KCNQ1: variants seen among roughly 807,000 people sequenced by gnomAD.
KCNQ1 encodes the protein potassium voltage-gated channel subfamily KQT member 1.
A neutral mutation model predicts 72.4 loss-of-function variants in KCNQ1; 49 were observed. The ratio of observed to expected loss-of-function variants is 0.68; its 90% CI spans 0.54 to 0.86. The LOEUF (loss-of-function observed/expected upper bound fraction) is 0.86. Ranked by LOEUF, KCNQ1 falls within the 40% of genes least tolerant of loss-of-function variation. The pLI is 0.00. For missense variants in KCNQ1, 790 were observed against 945.1 expected (o/e 0.84, Z 2.15); for synonymous variants, 450 against 412.6 (o/e 1.09, Z -1.10).
rs1250603235 is a variant in KCNQ1 at position 2,674,783 on chromosome 11, C to T, written c.1514+12702C>T. The stretch of plus-strand genomic sequence containing the variant: ...GCCAGACCAGCTTCCTGGAAACTCT[C>T]GCCAACTGCTGGCCTTTGGAAAGGC... On this transcript the variant is annotated intron_variant, in intron 11 of 15. Transcript: ENST00000155840. This position sits in a 1 kb window ranked among gnomAD's most constrained non-coding sequence, Gnocchi z 5.9. The T allele has an allele frequency of 1.3e-5, 5 of 395,120 alleles. No homozygotes were observed. The highest frequency in any genetic ancestry group is 2.1e-5 in the African/African-American group (1 of 47,116). The allele number at this position is 395,120 out of a possible 1,614,324, so 24.5% of individuals were successfully genotyped here. A position where few individuals can be genotyped will look rare whatever the true frequency, so the allele number is the denominator to read the frequency against.
At chr11:2,570,565 C>T (rs1848314262) in intron 2 of KCNQ1, 63 bp from the exon 3 acceptor site, 2 of 1,601,832 alleles carry the variant, frequency 1.2e-6, no homozygotes, top group Non-Finnish European at 1.7e-6. Context: ...AAACAGGTTG[C>T]AGGGTCTGAA....
rs778204226 is a variant in KCNQ1, at chr11:2,813,139, C to T, written c.1795-34628C>T. Among the ~76,000 whole-genome samples, 2 of 152,218 alleles carry T rather than the reference C, an allele frequency of 1.3e-5. No individual in the cohort carries two copies. Among genetic ancestry groups the T allele is most frequent in the African/African-American group, 4.8e-5 (2 of 41,458 alleles). The stretch of plus-strand genomic sequence containing the variant: ...CGGAGCCTGGTACAGAGGAAGAACC[C>T]GACAGACTGTGAGCCCTGTCTTCCT... On this transcript the variant is annotated intron_variant, in intron 15 of 15. Transcript: ENST00000155840. The surrounding 1 kb of genome is among the most constrained non-coding windows in gnomAD (Gnocchi z 4.4).
chr11:2,691,958 T>G lies in KCNQ1; in HGVS notation c.1514+29877T>G. On this transcript the variant is annotated intron_variant, in intron 11 of 15. Transcript: ENST00000155840. This position sits in a 1 kb window ranked among gnomAD's most constrained non-coding sequence, Gnocchi z 6.4. Reference sequence around the variant, plus strand: ...TTCTGGCATGGCCACTAAATGCCAGTGCCTTTCTCTATGCAAACCATTTCC... The same window carrying G: ...TTCTGGCATGGCCACTAAATGCCAGGGCCTTTCTCTATGCAAACCATTTCC... 2.5e-6 allele frequency: 1 copy of G among 398,638 alleles called. No homozygotes were observed. The highest frequency in any genetic ancestry group is 3.6e-5 in the East Asian group (1 of 28,074). 24.7% of individuals were successfully genotyped at this position (398,638 alleles called of 1,614,324 possible). A position where few individuals can be genotyped will look rare whatever the true frequency, so the allele number is the denominator to read the frequency against.
chr11:2,587,674 A>G lies in KCNQ1; in HGVS notation c.1233A>G (p.Lys411=). The change falls in exon 9 of 16, where the codon AAA becomes AAG. Residue 411 remains lysine, a synonymous_variant. Transcript: ENST00000155840. ...ACACTCTGCTGTCACCCAGCCCCAA[A>G]CCCAAGAAGTCTGTGGTGGTGAGTA... ...RSHTLLSPSP[K]PKKSVVVKKK... 1.2e-6 allele frequency: 2 copies of G among 1,613,610 alleles called. No homozygotes were observed. Among genetic ancestry groups the G allele is most frequent in the South Asian group, 2.2e-5 (2 of 91,074 alleles).
At chr11:2,527,877 T>G (rs192393524) in intron 1 of KCNQ1, 51 bp from the exon 2 acceptor site, 1 of 1,533,416 alleles carries the variant, frequency 6.5e-7, no homozygotes, top group Admixed American at 1.7e-5. Context: ...CAGGTGCATC[T>G]GTGGGATGGG....
chr11:2,632,721 A>G (rs1849380972), intron 10 of KCNQ1: 1 of 398,280 alleles, frequency 2.5e-6, no homozygotes, highest in Non-Finnish European at 4.4e-6. Flanking sequence ...ATATTATCCA[A>G]GTTCATCCAT....
At chr11:2,640,298 C>G in intron 10 of KCNQ1, 2 of 398,286 alleles carry the variant, frequency 5.0e-6, no homozygotes, top group Non-Finnish European at 8.8e-6. Flanking sequence ...TTCTGCGTCA[C>G]TCACGCTGGG....
At chr11:2,633,883 A>G in intron 10 of KCNQ1, 1 of 398,612 alleles carries the variant, frequency 2.5e-6, no homozygotes. Context: ...AGTCATCTGT[A>G]TACATAGTTT....
chr11:2,792,512 A>G (rs573158691), intron 15 of KCNQ1, among the ~76,000 whole-genome samples: 3 of 152,366 alleles, frequency 2.0e-5, no homozygotes, highest in Admixed American at 1.3e-4. Flanking sequence ...CCCTCAGGTC[A>G]GACCCAGGCC....
In KCNQ1 at chr11:2,608,463, C is replaced by T. The variant is rs537910940; in HGVS notation, c.1393+19609C>T. The T allele has an allele frequency of 1.6e-4, 62 of 398,426 alleles. No homozygotes were observed. Among genetic ancestry groups the T allele is most frequent in the Non-Finnish European group, 2.4e-4 (54 of 226,010 alleles). 24.7% of individuals were successfully genotyped at this position (398,426 alleles called of 1,614,324 possible). A position where few individuals can be genotyped will look rare whatever the true frequency, so the allele number is the denominator to read the frequency against. The stretch of plus-strand genomic sequence containing the variant: ...TCTGTCAGGTTGGTAGTATACTTCC[C>T]TCATTCATTCCTTTTTCCTTTTCTT... On this transcript the variant is annotated intron_variant, in intron 10 of 15. Coordinates refer to ENST00000155840, the MANE Select transcript of KCNQ1 (RefSeq NM_000218.3). The surrounding 1 kb of genome is among the most constrained non-coding windows in gnomAD (Gnocchi z 4.6).
Position 2,626,260 on chromosome 11 carries a change from T to C in KCNQ1, c.1394-35701T>C, listed in dbSNP as rs184978493. 5 of 398,460 alleles carry C rather than the reference T, an allele frequency of 1.3e-5. No individual in the cohort carries two copies. Among genetic ancestry groups the C allele is most frequent in the African/African-American group, 1.0e-4 (5 of 48,720 alleles). 24.7% of individuals were successfully genotyped at this position (398,460 alleles called of 1,614,324 possible). On this transcript the variant is annotated intron_variant, in intron 10 of 15. Transcript: ENST00000155840. The surrounding 1 kb of genome is among the most constrained non-coding windows in gnomAD (Gnocchi z 4.0). ...GGTAAGGGTCTCAACTTCATTCTCT[T>C]TTATACATGGTTAGGTAAGGATCTC...
rs1590073686 is a variant in KCNQ1, at chr11:2,762,821, A to G, written c.1515-6023A>G. Among the ~76,000 whole-genome samples, 1 of 149,612 alleles carries G rather than the reference A, an allele frequency of 6.7e-6. No homozygotes were observed. Among genetic ancestry groups the G allele is most frequent in the Non-Finnish European group, 1.5e-5 (1 of 67,580 alleles). On this transcript the variant is annotated intron_variant, in intron 11 of 15. Transcript: ENST00000155840. This position sits in a 1 kb window ranked among gnomAD's most constrained non-coding sequence, Gnocchi z 4.3. ...CATCTCCCCCCACCCCACCCCGTCC[A>G]CGGAAAAAGTGTCTTCCACGAAACT...
chr11:2,566,321 TGGCA>T lies in KCNQ1; in HGVS notation c.478-4303_478-4300del, dbSNP rs1411561346. Among the ~76,000 whole-genome samples, 1 of 152,156 alleles carries T rather than the reference TGGCA, an allele frequency of 6.6e-6. No homozygotes were observed. The highest frequency in any genetic ancestry group is 1.5e-5 in the Non-Finnish European group (1 of 68,016). On this transcript the variant is annotated intron_variant, in intron 2 of 15. Transcript: ENST00000155840. This position sits in a 1 kb window ranked among gnomAD's most constrained non-coding sequence, Gnocchi z 6.7. ...GTGCATGAGAGTGGTCAGCCCTCCA[TGGCA>T]GGCCTGGCCTCACCTGCCAGTGTCC...
Position 2,509,653 on chromosome 11 carries a change from T to TCACGC in KCNQ1, c.387-18270_387-18266dup, listed in dbSNP as rs1252076621. Among the ~76,000 whole-genome samples, 1 of 152,130 alleles carries TCACGC rather than the reference T, an allele frequency of 6.6e-6. No homozygotes were observed. The highest frequency in any genetic ancestry group is 1.5e-5 in the Non-Finnish European group (1 of 68,030). On this transcript the variant is annotated intron_variant, in intron 1 of 15. Coordinates refer to ENST00000155840, the MANE Select transcript of KCNQ1 (RefSeq NM_000218.3). This position sits in a 1 kb window ranked among gnomAD's most constrained non-coding sequence, Gnocchi z 6.3. ...GTGTCAGCGTTTCACTCCCAGCACG[T>TCACGC]CACGCCACGTCCCTTTCCTCTGCTT...
intron 15 of KCNQ1, among the ~76,000 whole-genome samples, chr11:2,798,236 C>CTG (rs1163156407): frequency 6.6e-6 from 1 of 152,178 alleles, no homozygotes; most frequent in Non-Finnish European, 1.5e-5. Context: ...CGTCCACGCC[C>CTG]TGGGTTCCCA....
chr11:2,754,925 T>C (rs1190848099), intron 11 of KCNQ1, among the ~76,000 whole-genome samples: 1 of 152,212 alleles, frequency 6.6e-6, no homozygotes, highest in African/African-American at 2.4e-5. Flanking sequence ...AGACTGGCGA[T>C]TGCACTAGTT....
At chr11:2,513,243 C>T (rs1441920333) in intron 1 of KCNQ1, among the ~76,000 whole-genome samples, 2 of 152,186 alleles carry the variant, frequency 1.3e-5, no homozygotes, top group African/African-American at 2.4e-5. Context: ...CCGTCACTCA[C>T]CTGAGCCCTC....
chr11:2,567,548 G>A lies in KCNQ1; in HGVS notation c.478-3080G>A, dbSNP rs567562007. ...GAGAGCGTTTGAGGCTGATGGTGGT[G>A]GAGATAGTTTTATCTCTGAGCAAAC... On this transcript the variant is annotated intron_variant, in intron 2 of 15. Transcript: ENST00000155840. The surrounding 1 kb of genome is among the most constrained non-coding windows in gnomAD (Gnocchi z 6.6). 7.9e-5 allele frequency among the ~76,000 whole-genome samples: 12 copies of A among 152,330 alleles called. No individual in the cohort carries two copies. In the South Asian group the frequency reaches 2.3e-3, roughly 29 times the overall value.
intron 11 of KCNQ1, among the ~76,000 whole-genome samples, chr11:2,741,801 G>A (rs1313981497): frequency 6.6e-6 from 1 of 152,192 alleles, no homozygotes; most frequent in Non-Finnish European, 1.5e-5. Context: ...CTCTTCCAGG[G>A]ATCCTCCGCC....
Sources: allele counts gnomAD v4.1 joint callset (sites outside exome capture counted in the v4.1 genomes callset), GRCh38; gene constraint gnomAD v4.1.1; non-coding constraint Gnocchi (gnomAD v3.1); transcripts MANE v1.5; gene names NCBI Gene and HGNC (gene_info 2026-07-23, HGNC 2026-07-21).